The following CDC42BPB variants were observed in gnomAD, a reference collection of about 807,000 sequenced individuals.
The protein encoded by CDC42BPB is CDC42 binding protein kinase beta, also known as serine/threonine-protein kinase MRCK beta.
In CDC42BPB, 37 loss-of-function variants were observed where a neutral mutation model predicts 214.9. That is an observed-to-expected ratio of 0.17 (90% CI 0.13 to 0.23). CDC42BPB has a LOEUF of 0.23. CDC42BPB is among the 10% of genes least tolerant of loss of function. CDC42BPB has a pLI of 1.00. For missense variants in CDC42BPB, 1,694 were observed against 2,227.0 expected, an observed-to-expected ratio of 0.76 and a Z score of 4.82; for synonymous variants, 931 against 884.0, an observed-to-expected ratio of 1.05 and a Z score of -0.94.
chr14:102,990,493 A>G (rs1894443801), intron 5 of CDC42BPB, among the ~76,000 whole-genome samples: 2 of 152,178 alleles, frequency 1.3e-5, no homozygotes, highest in Non-Finnish European at 2.9e-5. Context: ...GGAGGAAGAC[A>G]AAAGTCTGGA....
At chr14:102,999,511 G>A (rs1894884810) in intron 5 of CDC42BPB, 54 bp downstream of exon 5, 2 of 1,584,254 alleles carry the variant, frequency 1.3e-6, no homozygotes, top group South Asian at 2.2e-5. Context: ...GCTCTGAAAG[G>A]AGTCTTTTAA....
intron 12 of CDC42BPB, among the ~76,000 whole-genome samples, chr14:102,973,761 T>C (rs1595482532): frequency 6.6e-6 from 1 of 152,070 alleles, no homozygotes; most frequent in Admixed American, 6.5e-5. Flanking sequence ...GATTGCGAGG[T>C]GGATAACCGC....
At chr14:102,978,098 C>T (rs773932838) in intron 9 of CDC42BPB, 28 bp downstream of exon 9, 15 of 1,544,632 alleles carry the variant, frequency 9.7e-6, no homozygotes, top group African/African-American at 1.4e-5. Context: ...GGAAGTGTCT[C>T]CCTGGGGAAT....
rs191846227 is a variant in CDC42BPB, at chr14:103,013,854, T to C, written c.176-1666A>G. Among the ~76,000 whole-genome samples the C allele has an allele frequency of 2.6e-5, 4 of 152,232 alleles. No homozygotes were observed. In the East Asian group the frequency reaches 7.7e-4, roughly 29 times the overall value. On this transcript the variant is annotated intron_variant, in intron 1 of 36. Transcript: ENST00000361246. ...TTTAAGCCCCCCACTTTGTGGCAAC[T>C]GGTTACATCCCCCACAAGAAGCTCC...
intron 1 of CDC42BPB, among the ~76,000 whole-genome samples, chr14:103,029,983 C>T (rs1887276066): frequency 6.6e-6 from 1 of 152,176 alleles, no homozygotes; most frequent in Non-Finnish European, 1.5e-5. Context: ...CCAGCCCTCC[C>T]AGCACCTGAG....
At position 102,970,549 on chromosome 14, in the gene CDC42BPB, G is replaced by A. The variant is rs572242850; in HGVS notation, c.1885-288C>T. On this transcript the variant is annotated intron_variant, in intron 13 of 36. Coordinates refer to ENST00000361246, the MANE Select transcript of CDC42BPB (RefSeq NM_006035.4). Reference sequence around the variant, plus strand: ...AAATTTCACTGATTCGTGAAAACCAGTACTTTTGATATCTGTAGAACTTGA... The same window carrying A: ...AAATTTCACTGATTCGTGAAAACCAATACTTTTGATATCTGTAGAACTTGA... 8.9e-5 allele frequency: 17 copies of A among 190,990 alleles called. No homozygotes were observed. In the South Asian group the frequency reaches 2.9e-3, roughly 32 times the overall value. The allele number at this position is 190,990 out of a possible 1,614,324, so 11.8% of individuals were successfully genotyped here. A position where few individuals can be genotyped will look rare whatever the true frequency, so the allele number is the denominator to read the frequency against.
rs1465085402 is a variant in CDC42BPB at position 103,049,807 on chromosome 14, G to A, written c.175+7192C>T. Among the ~76,000 whole-genome samples, 9 of 152,172 alleles carry A rather than the reference G, an allele frequency of 5.9e-5. No homozygotes were observed. In the South Asian group the frequency reaches 8.3e-4, roughly 14 times the overall value. On this transcript the variant is annotated intron_variant, in intron 1 of 36. Coordinates refer to ENST00000361246, the MANE Select transcript of CDC42BPB (RefSeq NM_006035.4). ...CGGCTCACTGCAACCTCCGCCTCCC[G>A]GGTTTAAGTGATTCTCCTGCCTCAG...
At chr14:103,005,095 G>A (rs1895175682) in intron 3 of CDC42BPB, among the ~76,000 whole-genome samples, 1 of 151,630 alleles carries the variant, frequency 6.6e-6, no homozygotes, top group Non-Finnish European at 1.5e-5. Flanking sequence ...ATGAACCCAG[G>A]AGGCGGAGCT....
At chr14:102,978,005 G>A (rs1893833776) in intron 9 of CDC42BPB, 121 bp downstream of exon 9, 1 of 715,942 alleles carries the variant, frequency 1.4e-6, no homozygotes, top group Non-Finnish European at 2.5e-6. Context: ...TCTCCCTTAA[G>A]TAATGGCCTC....
intron 14 of CDC42BPB, 140 bp from the exon 15 acceptor site, chr14:102,968,856 C>G: frequency 6.7e-7 from 1 of 1,482,512 alleles, no homozygotes; most frequent in South Asian, 1.4e-5. Context: ...GATGACGTAG[C>G]TGACCTGGCT....
In CDC42BPB at chr14:102,974,110, G is replaced by A. The variant is rs149124468; in HGVS notation, c.1547C>T (p.Ala516Val). Residue 516 changes from alanine (A) to valine (V), a missense_variant, in exon 12 of 37, where the codon GCG becomes GTG. Ala to Val is a moderately conservative substitution (Grantham distance 64). Coordinates refer to ENST00000361246, the MANE Select transcript of CDC42BPB (RefSeq NM_006035.4). ...RLERQLEDTVALRQEREDSTQ... is the reference protein window; with the variant it reads ...RLERQLEDTVVLRQEREDSTQ... ...GGAGTCCTCACGCTCTTGGCGAAGC[G>A]CCACTGTGTCCTCAAGCTGTCGCTC... 172 of 1,613,792 alleles carry A rather than the reference G, an allele frequency of 1.1e-4. No individual in the cohort carries two copies. Among genetic ancestry groups the A allele is most frequent in the Middle Eastern group, 1.6e-4 (1 of 6,082 alleles).
intron 21 of CDC42BPB, among the ~76,000 whole-genome samples, chr14:102,955,377 G>C (rs1892666773): frequency 6.6e-6 from 1 of 152,204 alleles, no homozygotes; most frequent in Non-Finnish European, 1.5e-5. Flanking sequence ...CCGAGATCAA[G>C]TCATTGCACT....
chr14:103,046,875 A>C (rs1240062582), intron 1 of CDC42BPB, among the ~76,000 whole-genome samples: 3 of 151,838 alleles, frequency 2.0e-5, no homozygotes, highest in African/African-American at 4.8e-5. Flanking sequence ...GCTGGTCTCC[A>C]ACTCCTGAGA....
intron 1 of CDC42BPB, among the ~76,000 whole-genome samples, chr14:103,043,435 T>G (rs1187909979): frequency 6.6e-6 from 1 of 152,180 alleles, no homozygotes; most frequent in Non-Finnish European, 1.5e-5. Flanking sequence ...AGACCCATAT[T>G]ATATGACGCC....
At chr14:102,985,179 CTG>C (rs1000834937) in intron 6 of CDC42BPB, among the ~76,000 whole-genome samples, 6 of 148,078 alleles carry the variant, frequency 4.1e-5, no homozygotes, top group Admixed American at 4.0e-4. Context: ...TCTGGTTATA[CTG>C]TGACAGGGTG....
chr14:103,056,760 T>C (rs902388898), intron 1 of CDC42BPB, among the ~76,000 whole-genome samples: 1 of 150,594 alleles, frequency 6.6e-6, no homozygotes, highest in South Asian at 2.1e-4. Flanking sequence ...ATGTCGAGCC[T>C]AGGGAGGGCA....
intron 16 of CDC42BPB, 28 bp downstream of exon 16, chr14:102,968,225 G>T: frequency 1.3e-6 from 2 of 1,519,124 alleles, no homozygotes; most frequent in Non-Finnish European, 1.8e-6. Context: ...CACACAAAGT[G>T]CTAACTCAGG....
Position 102,938,395 on chromosome 14 carries a change from G to A in CDC42BPB, c.4844C>T (p.Ser1615Phe), listed in dbSNP as rs1280778797. The A allele has an allele frequency of 6.4e-7, 1 of 1,552,014 alleles. No individual in the cohort carries two copies. The highest frequency in any genetic ancestry group is 8.7e-7 in the Non-Finnish European group (1 of 1,155,816). Residue 1615 changes from serine (S) to phenylalanine (F), a missense_variant, in exon 35 of 37, where the codon TCC (serine) becomes TTC (phenylalanine). Physicochemically the swap from Ser to Phe is radical, Grantham distance 155. Transcript: ENST00000361246. Reference sequence around the variant, plus strand: ...AGCGGGGCCCGGCCTTTCCTCCTGGGAGGGGGGCACAGCACTCTGGGCAGA... The same window carrying A: ...AGCGGGGCCCGGCCTTTCCTCCTGGAAGGGGGGCACAGCACTCTGGGCAGA... ...MDLPLSAVPP[S>F]QEERPGPAPT... is the part of the protein sequence containing the mutation.
At chr14:103,056,249 AG>A (rs1250518079) in intron 1 of CDC42BPB, among the ~76,000 whole-genome samples, 1 of 152,220 alleles carries the variant, frequency 6.6e-6, no homozygotes, top group Non-Finnish European at 1.5e-5. Context: ...AATATCACAA[AG>A]GTCTAGCAGA....
Sources: allele counts gnomAD v4.1 joint callset (sites outside exome capture counted in the v4.1 genomes callset), GRCh38; gene constraint gnomAD v4.1.1; transcripts MANE v1.5; gene names NCBI Gene and HGNC (gene_info 2026-07-23, HGNC 2026-07-21).